Variants in COL25A1 observed in about 807,000 individuals in gnomAD.
The protein encoded by COL25A1 is collagen alpha-1(XXV) chain.
Under a neutral mutation model 128.4 loss-of-function variants are expected in COL25A1, and 103 were observed. The observed-to-expected ratio is 0.80, with a 90% CI of 0.68 to 0.94. COL25A1 has a LOEUF of 0.94. Among genes scored for constraint, COL25A1 ranks in the 40% least tolerant of loss-of-function variants. The probability of loss-of-function intolerance (pLI) is 0.00; values close to 1 mark genes in which losing one functional copy is unlikely to be tolerated. For missense variants in COL25A1, 745 were observed against 840.0 expected (o/e 0.89, Z 1.40); for synonymous variants, 279 against 277.2 (o/e 1.01, Z -0.06).
intron 5 of COL25A1, among the ~76,000 whole-genome samples, chr4:109,013,559 C>T (rs1471221322): frequency 1.3e-5 from 2 of 152,152 alleles, no homozygotes; most frequent in African/African-American, 2.4e-5. Context: ...TCCACACTGC[C>T]TTTATGAGCT....
At chr4:108,961,016 A>G in intron 8 of COL25A1, among the ~76,000 whole-genome samples, 1 of 152,192 alleles carries the variant, frequency 6.6e-6, no homozygotes, top group East Asian at 1.9e-4. Flanking sequence ...CTTTTTAAAA[A>G]ACAATTAATT....
intron 3 of COL25A1, among the ~76,000 whole-genome samples, chr4:109,096,600 T>C (rs965252198): frequency 6.6e-6 from 1 of 152,226 alleles, no homozygotes; most frequent in Non-Finnish European, 1.5e-5. Flanking sequence ...CCTAATGATG[T>C]GTTTCTCAGA....
chr4:109,115,460 C>A (rs752430192), intron 3 of COL25A1, among the ~76,000 whole-genome samples: 2 of 152,086 alleles, frequency 1.3e-5, no homozygotes, highest in African/African-American at 2.4e-5. Flanking sequence ...AGTCAGGGAA[C>A]AAAGCTACAC....
chr4:109,197,944 T>A (rs1339237016), intron 3 of COL25A1, among the ~76,000 whole-genome samples: 1 of 152,136 alleles, frequency 6.6e-6, no homozygotes, highest in Non-Finnish European at 1.5e-5. Context: ...TACTATGTTG[T>A]CAATATTACA....
chr4:108,884,197 G>A lies in COL25A1; in HGVS notation c.1001C>T (p.Pro334Leu). ...QKGEPGLPGL[P>L]GLPGIKGEPG... ...ATTTACCTTTATCCCCGGAAGTCCA[G>A]GAAGCCCAGGAAGCCCTGGTTCACC... is the stretch of plus-strand genomic sequence containing the variant. The change falls in exon 19 of 38, where the codon CCT becomes CTT. Residue 334 changes from proline to leucine, a missense_variant. Transcript: ENST00000399132. The A allele has an allele frequency of 6.2e-7, 1 of 1,613,716 alleles. No homozygotes were observed. The highest frequency in any genetic ancestry group is 1.1e-5 in the South Asian group (1 of 91,066).
At chr4:109,016,353 G>A (rs1446837216) in intron 5 of COL25A1, among the ~76,000 whole-genome samples, 1 of 152,262 alleles carries the variant, frequency 6.6e-6, no homozygotes, top group Non-Finnish European at 1.5e-5. Context: ...GCAGCGCAGT[G>A]CAGGCCTGCA....
At chr4:109,273,323 C>T (rs946160810) in intron 3 of COL25A1, among the ~76,000 whole-genome samples, 1 of 151,846 alleles carries the variant, frequency 6.6e-6, no homozygotes, top group Non-Finnish European at 1.5e-5. Flanking sequence ...AAATATATCC[C>T]CAATTGTTTA....
chr4:109,030,455 G>A (rs988169896), intron 5 of COL25A1, among the ~76,000 whole-genome samples: 5 of 152,198 alleles, frequency 3.3e-5, no homozygotes, highest in African/African-American at 7.2e-5. Context: ...GGCTTTGGGT[G>A]ACAGGTCTAG....
chr4:109,073,739 T>C (rs1018439546), intron 3 of COL25A1, among the ~76,000 whole-genome samples: 4 of 152,224 alleles, frequency 2.6e-5, no homozygotes, highest in African/African-American at 9.6e-5. Context: ...TATCTACTCA[T>C]AGATCATATC....
At chr4:109,101,574 CTGTT>C (rs1765894752) in intron 3 of COL25A1, among the ~76,000 whole-genome samples, 3 of 152,208 alleles carry the variant, frequency 2.0e-5, no homozygotes, top group Admixed American at 2.0e-4. Flanking sequence ...TATCACTACT[CTGTT>C]TGCAGAAGCT....
At chr4:109,270,700 C>T (rs1030270633) in intron 3 of COL25A1, among the ~76,000 whole-genome samples, 3 of 152,114 alleles carry the variant, frequency 2.0e-5, no homozygotes, top group Non-Finnish European at 4.4e-5. Context: ...TATATGGAAC[C>T]AAGCCCCTTT....
At chr4:109,005,217 A>T (rs1024347596) in intron 6 of COL25A1, among the ~76,000 whole-genome samples, 2 of 152,208 alleles carry the variant, frequency 1.3e-5, no homozygotes, top group East Asian at 3.9e-4. Context: ...CAGCAGCAAG[A>T]GAGAGGTGGC....
At chr4:108,863,202 C>T (rs1038682904) in intron 21 of COL25A1, 117 bp downstream of exon 21, 2 of 944,132 alleles carry the variant, frequency 2.1e-6, no homozygotes, top group African/African-American at 3.3e-5. Flanking sequence ...TGCATTTCAA[C>T]AAACTATTTG....
intron 21 of COL25A1, among the ~76,000 whole-genome samples, chr4:108,862,817 C>T (rs1271017228): frequency 6.6e-6 from 1 of 152,174 alleles, no homozygotes; most frequent in Non-Finnish European, 1.5e-5. Flanking sequence ...TTAGTCTCAA[C>T]AGTGTTTGGC....
At chr4:109,286,493 G>A (rs2126280301) in intron 3 of COL25A1, among the ~76,000 whole-genome samples, 1 of 152,174 alleles carries the variant, frequency 6.6e-6, no homozygotes, top group Admixed American at 6.5e-5. Context: ...TTCATTTCCT[G>A]TTCTTCTAAG....
intron 5 of COL25A1, among the ~76,000 whole-genome samples, chr4:109,030,231 A>G (rs1758705671): frequency 6.6e-6 from 1 of 152,206 alleles, no homozygotes; most frequent in South Asian, 2.1e-4. Flanking sequence ...AAATAGCAAC[A>G]GAAGGAAGCA....
chr4:109,274,166 T>C (rs1024859222), intron 3 of COL25A1, among the ~76,000 whole-genome samples: 5 of 152,030 alleles, frequency 3.3e-5, no homozygotes, highest in African/African-American at 4.8e-5. Context: ...TCAAAGTATC[T>C]TTTATTTTCC....
intron 3 of COL25A1, among the ~76,000 whole-genome samples, chr4:109,076,684 A>G (rs1763407662): frequency 6.6e-6 from 1 of 151,986 alleles, no homozygotes; most frequent in Admixed American, 6.6e-5. Context: ...AAATAATTAT[A>G]CAACTCGCCA....
chr4:109,055,339 A>G (rs1430032233), intron 3 of COL25A1, among the ~76,000 whole-genome samples: 1 of 152,206 alleles, frequency 6.6e-6, no homozygotes, highest in Non-Finnish European at 1.5e-5. Context: ...AGATTGCCAT[A>G]CTGAATTGCA....
Sources: allele counts gnomAD v4.1 joint callset (sites outside exome capture counted in the v4.1 genomes callset), GRCh38; gene constraint gnomAD v4.1.1; transcripts MANE v1.5; gene names NCBI Gene and HGNC (gene_info 2026-07-23, HGNC 2026-07-21).